ZC3H12B: variants seen among roughly 807,000 people sequenced by gnomAD.
ZC3H12B encodes probable ribonuclease ZC3H12B.
In ZC3H12B, 7 loss-of-function variants were observed where a neutral mutation model predicts 43.9. The observed-to-expected ratio is 0.16, with a 90% CI of 0.09 to 0.30. The LOEUF (loss-of-function observed/expected upper bound fraction) is 0.30, where lower values mean the gene tolerates loss of function less well. ZC3H12B is among the 10% of genes least tolerant of loss of function. ZC3H12B has a pLI of 1.00. For synonymous variants in ZC3H12B, 222 were observed against 241.7 expected, an observed-to-expected ratio of 0.92 and a Z score of 0.76; for missense variants, 475 against 670.2, an observed-to-expected ratio of 0.71 and a Z score of 3.22.
the ZC3H12B span, among the ~76,000 whole-genome samples, chrX:65,057,521 A>T: frequency 6.3e-5 from 7 of 111,166 alleles, no homozygotes; most frequent in African/African-American, 1.6e-4. Context: ...TAACATTTTT[A>T]CCTTCATTTC....
the ZC3H12B span, among the ~76,000 whole-genome samples, chrX:65,173,396 G>T: frequency 2.7e-5 from 3 of 111,244 alleles, no homozygotes; most frequent in East Asian, 8.4e-4. Flanking sequence ...CTCTCTTACT[G>T]TTTGAGTATG....
At chrX:65,104,717 A>G in the ZC3H12B span, among the ~76,000 whole-genome samples, 115 of 112,057 alleles carry the variant, frequency 1.0e-3, no homozygotes, top group Admixed American at 5.9e-3. Flanking sequence ...ACCATCTCAC[A>G]CCATTTAGAA....
intron 3 of ZC3H12B, among the ~76,000 whole-genome samples, chrX:65,417,949 T>G (rs1451557190): frequency 1.8e-5 from 2 of 112,640 alleles, no homozygotes; most frequent in African/African-American, 3.2e-5. Context: ...TGTATTCTCA[T>G]GCTATTATCC....
intron 3 of ZC3H12B, among the ~76,000 whole-genome samples, chrX:65,416,644 G>T (rs1374876586): frequency 1.9e-5 from 2 of 107,681 alleles, no homozygotes; most frequent in African/African-American, 6.9e-5. Context: ...AAAAAAATTA[G>T]CCAAGTGTGG....
chrX:65,224,701 A>G, the ZC3H12B span, among the ~76,000 whole-genome samples: 2 of 111,963 alleles, frequency 1.8e-5, no homozygotes, highest in Non-Finnish European at 3.8e-5. Context: ...GGGCTTAAAA[A>G]ACGGCACACC....
the ZC3H12B span, among the ~76,000 whole-genome samples, chrX:65,276,929 TG>T: frequency 2.7e-5 from 3 of 111,616 alleles, no homozygotes; most frequent in Admixed American, 2.9e-4. Flanking sequence ...AGATATACAT[TG>T]GCTGAATGGA....
the ZC3H12B span, among the ~76,000 whole-genome samples, chrX:65,238,096 T>G: frequency 9.0e-6 from 1 of 111,658 alleles, no homozygotes; most frequent in Non-Finnish European, 1.9e-5. Context: ...CCTCCTCAAT[T>G]TTTTGGAATA....
chrX:65,142,981 G>C, the ZC3H12B span, among the ~76,000 whole-genome samples: 1 of 110,326 alleles, frequency 9.1e-6, no homozygotes, highest in East Asian at 2.8e-4. Context: ...TTGACTACAT[G>C]GGCTCTTTTT....
intron 3 of ZC3H12B, among the ~76,000 whole-genome samples, chrX:65,441,692 G>C (rs2067303047): frequency 8.9e-6 from 1 of 111,791 alleles, no homozygotes; most frequent in South Asian, 3.7e-4. Context: ...CTTCCTAAAA[G>C]TAATCGCATT....
the ZC3H12B span, among the ~76,000 whole-genome samples, chrX:65,217,978 C>A: frequency 8.9e-6 from 1 of 111,898 alleles, no homozygotes; most frequent in South Asian, 3.7e-4. Flanking sequence ...AGATTCAACA[C>A]AAATAAGACT....
At chrX:65,448,086 T>A (rs1451866412) in intron 3 of ZC3H12B, among the ~76,000 whole-genome samples, 1 of 110,008 alleles carries the variant, frequency 9.1e-6, no homozygotes, top group African/African-American at 3.3e-5. Flanking sequence ...CAAAAAAAAA[T>A]TAGCCGGGTG....
At chrX:65,168,631 G>A in the ZC3H12B span, among the ~76,000 whole-genome samples, 1 of 111,109 alleles carries the variant, frequency 9.0e-6, no homozygotes, top group Non-Finnish European at 1.9e-5. Flanking sequence ...GCTCCTCCTT[G>A]TATCTCTGGT....
the ZC3H12B span, among the ~76,000 whole-genome samples, chrX:65,229,909 A>C: frequency 1.8e-5 from 2 of 111,049 alleles, no homozygotes; most frequent in Non-Finnish European, 3.8e-5. Context: ...GGATGTGGAG[A>C]AATAGGAACA....
the ZC3H12B span, among the ~76,000 whole-genome samples, chrX:65,303,431 T>C: frequency 8.9e-6 from 1 of 112,073 alleles, no homozygotes. Flanking sequence ...TATTAACAGG[T>C]TAAAGAAAAA....
intron 3 of ZC3H12B, among the ~76,000 whole-genome samples, chrX:65,400,116 G>A (rs1250280071): frequency 9.0e-6 from 1 of 110,643 alleles, no homozygotes; most frequent in Admixed American, 9.7e-5. Flanking sequence ...GTATTTGCTA[G>A]GACAACAGGG....
At chrX:65,131,908 A>G in the ZC3H12B span, among the ~76,000 whole-genome samples, 2 of 111,445 alleles carry the variant, frequency 1.8e-5, no homozygotes, top group Non-Finnish European at 3.8e-5. Flanking sequence ...GAGGGTCTAT[A>G]AAGTAGAAGG....
At chrX:65,414,532 A>C (rs1241239311) in intron 3 of ZC3H12B, among the ~76,000 whole-genome samples, 1 of 111,526 alleles carries the variant, frequency 9.0e-6, no homozygotes, top group Non-Finnish European at 1.9e-5. Context: ...GGAAGAAGAT[A>C]TATTGTAAGT....
chrX:65,169,341 GT>G, the ZC3H12B span, among the ~76,000 whole-genome samples: 1 of 112,131 alleles, frequency 8.9e-6, no homozygotes, highest in African/African-American at 3.2e-5. Flanking sequence ...TAGTTGAGCA[GT>G]TTTTAGTGAG....
the ZC3H12B span, among the ~76,000 whole-genome samples, chrX:65,225,634 T>A: frequency 9.0e-6 from 1 of 111,622 alleles, no homozygotes; most frequent in East Asian, 2.8e-4. Context: ...TGAAAAAAAT[T>A]TAGACAAATG....
Sources: allele counts gnomAD v4.1 joint callset (sites outside exome capture counted in the v4.1 genomes callset), GRCh38; gene constraint gnomAD v4.1.1; transcripts MANE v1.5; gene names NCBI Gene and HGNC (gene_info 2026-07-23, HGNC 2026-07-21).